ITPR2: variants seen among roughly 807,000 people sequenced by gnomAD.
ITPR2 encodes inositol 1,4,5-trisphosphate-gated calcium channel ITPR2.
ITPR2 carries 207 observed loss-of-function variants against 317.1 expected under a neutral mutation model. That is an observed-to-expected ratio of 0.65 (90% CI 0.58 to 0.73). The LOEUF (loss-of-function observed/expected upper bound fraction) is 0.73. ITPR2 is among the 30% of genes least tolerant of loss of function. ITPR2 has a pLI of 0.00. For missense variants in ITPR2, 2,613 were observed against 3,284.0 expected, an observed-to-expected ratio of 0.80 and a Z score of 4.99; for synonymous variants, 1,156 against 1,149.1, an observed-to-expected ratio of 1.01 and a Z score of -0.12.
intron 55 of ITPR2, among the ~76,000 whole-genome samples, chr12:26,385,508 C>T (rs945496572): frequency 6.6e-6 from 1 of 152,154 alleles, no homozygotes; most frequent in African/African-American, 2.4e-5. Context: ...TGCTGCCTGC[C>T]TTTTTGCCTA....
intron 4 of ITPR2, among the ~76,000 whole-genome samples, chr12:26,724,063 T>A (rs549822948): frequency 6.6e-6 from 1 of 152,356 alleles, no homozygotes; most frequent in South Asian, 2.1e-4. Context: ...ATTGCTTTAT[T>A]TATTTGTATT....
intron 48 of ITPR2, among the ~76,000 whole-genome samples, chr12:26,431,246 A>C (rs1343405431): frequency 6.6e-6 from 1 of 152,210 alleles, no homozygotes; most frequent in Non-Finnish European, 1.5e-5. Flanking sequence ...AATTTTTTAA[A>C]ATCACATACT....
intron 14 of ITPR2, 21 bp from the exon 15 acceptor site, chr12:26,663,867 C>T: frequency 6.4e-7 from 1 of 1,573,480 alleles, no homozygotes; most frequent in Non-Finnish European, 8.6e-7. Flanking sequence ...TAAAAACAGC[C>T]ACCTATTCTG....
chr12:26,612,587 T>C (rs1284003728), intron 26 of ITPR2, among the ~76,000 whole-genome samples: 1 of 152,194 alleles, frequency 6.6e-6, no homozygotes, highest in Non-Finnish European at 1.5e-5. Flanking sequence ...CCCCTTATAT[T>C]AATTCATTAT....
Position 26,621,173 on chromosome 12 carries a change from T to C in ITPR2, c.3412A>G (p.Asn1138Asp). 6.2e-7 allele frequency: 1 copy of C among 1,613,886 alleles called. No homozygotes were observed. The highest frequency in any genetic ancestry group is 8.5e-7 in the Non-Finnish European group (1 of 1,179,878). ...LWVEKSSNYE[N>D]GEIGESQVKG... ...ACTTGACTTTCCCCTATTTCTCCATTCTCATAGTTGCTGCTCTTCTCCACC... is the reference window on the plus strand; with the variant it reads ...ACTTGACTTTCCCCTATTTCTCCATCCTCATAGTTGCTGCTCTTCTCCACC... Residue 1138 changes from asparagine to aspartate, a missense_variant, in exon 26 of 57, where the codon AAT becomes GAT. Transcript: ENST00000381340.
intron 32 of ITPR2, among the ~76,000 whole-genome samples, chr12:26,583,734 A>G (rs1945456887): frequency 6.6e-6 from 1 of 152,172 alleles, no homozygotes; most frequent in African/African-American, 2.4e-5. Flanking sequence ...GTGTGTCACT[A>G]ATGAGTACCT....
chr12:26,458,267 G>A (rs1415383302), intron 45 of ITPR2, among the ~76,000 whole-genome samples: 5 of 152,176 alleles, frequency 3.3e-5, no homozygotes, highest in African/African-American at 4.8e-5. Context: ...AGGTGAGGGC[G>A]GTACGGGGGC....
intron 13 of ITPR2, among the ~76,000 whole-genome samples, chr12:26,674,513 A>G (rs1458428391): frequency 6.6e-6 from 1 of 152,254 alleles, no homozygotes; most frequent in Non-Finnish European, 1.5e-5. Flanking sequence ...CTGAAACTGG[A>G]TCCCTTCCTT....
intron 45 of ITPR2, among the ~76,000 whole-genome samples, chr12:26,444,587 A>G (rs1415335663): frequency 6.6e-6 from 1 of 152,142 alleles, no homozygotes; most frequent in Non-Finnish European, 1.5e-5. Context: ...CCATTGACAG[A>G]TGAGGAAACT....
intron 2 of ITPR2, among the ~76,000 whole-genome samples, chr12:26,769,729 T>C (rs1055829323): frequency 6.6e-6 from 1 of 152,128 alleles, no homozygotes; most frequent in African/African-American, 2.4e-5. Context: ...TACTAGAGAA[T>C]AGGTAAAAAG....
At chr12:26,594,852 CAT>C in intron 32 of ITPR2, among the ~76,000 whole-genome samples, 1 of 152,206 alleles carries the variant, frequency 6.6e-6, no homozygotes, top group Non-Finnish European at 1.5e-5. Flanking sequence ...AGAGCAAAAA[CAT>C]ATGTCAGGCA....
At chr12:26,598,720 C>T (rs1945915183) in intron 30 of ITPR2, among the ~76,000 whole-genome samples, 1 of 152,164 alleles carries the variant, frequency 6.6e-6, no homozygotes, top group African/African-American at 2.4e-5. Flanking sequence ...GTTTGATTCT[C>T]TTCAAAGCTT....
rs1193970621 is a variant in ITPR2 at position 26,774,031 on chromosome 12, T to C, written c.163+16126A>G. On this transcript the variant is annotated intron_variant, in intron 2 of 56. Transcript: ENST00000381340. Reference sequence around the variant, plus strand: ...TTTTTAGTATAAAGCATGTAACTCCTGACTTGGAAATCCACTGCAATTTTC... The same window carrying C: ...TTTTTAGTATAAAGCATGTAACTCCCGACTTGGAAATCCACTGCAATTTTC... Among the ~76,000 whole-genome samples the C allele has an allele frequency of 3.6e-5, 5 of 140,396 alleles. No individual in the cohort carries two copies. In the East Asian group the frequency reaches 9.1e-4, roughly 25 times the overall value. 92.1% of individuals were successfully genotyped at this position (140,396 alleles called of 152,430 possible). A position where few individuals can be genotyped will look rare whatever the true frequency, so the allele number is the denominator to read the frequency against.
rs186659621 is a variant in ITPR2, at chr12:26,795,338, T to C, written c.93-5111A>G. ...AACGTGTAGAATACATGGATGATGA[T>C]ATTTATGAATCGGAGAGTAGAAAAA... On this transcript the variant is annotated intron_variant, in intron 1 of 56. Coordinates refer to ENST00000381340, the MANE Select transcript of ITPR2 (RefSeq NM_002223.4). 2.7e-3 allele frequency among the ~76,000 whole-genome samples: 415 copies of C among 152,364 alleles called. 3 individuals carry two copies. Among genetic ancestry groups the C allele is most frequent in the African/African-American group, 5.4e-3 (223 of 41,582 alleles).
Position 26,602,681 on chromosome 12 carries a change from T to A in ITPR2, c.3488A>T (p.Gln1163Leu), listed in dbSNP as rs759818841. ...AATCTGAGGTTTCTTTGTTCCATCC[T>A]GCACTGGACTTAAAATGTTTGATTC... ...IEESNILSPV[Q>L]DGTKKPQIDS... Residue 1163 changes from glutamine (Q) to leucine (L), a missense_variant, in exon 27 of 57, where the codon CAG (glutamine) becomes CTG (leucine). Coordinates refer to ENST00000381340, the MANE Select transcript of ITPR2 (RefSeq NM_002223.4). 1 of 1,603,930 alleles carries A rather than the reference T, an allele frequency of 6.2e-7. No individual in the cohort carries two copies. The highest frequency in any genetic ancestry group is 2.2e-5 in the East Asian group (1 of 44,698).
At chr12:26,540,167 G>C (rs1406398420) in intron 37 of ITPR2, among the ~76,000 whole-genome samples, 2 of 152,138 alleles carry the variant, frequency 1.3e-5, no homozygotes, top group East Asian at 3.9e-4. Flanking sequence ...TTATGCATCA[G>C]CCCTATCCCC....
At chr12:26,413,448 C>A (rs969286282) in intron 51 of ITPR2, among the ~76,000 whole-genome samples, 1 of 152,198 alleles carries the variant, frequency 6.6e-6, no homozygotes, top group East Asian at 1.9e-4. Flanking sequence ...ACTCAATATA[C>A]ATAGTCAACT....
At chr12:26,543,089 T>C (rs1308410499) in intron 37 of ITPR2, among the ~76,000 whole-genome samples, 2 of 152,164 alleles carry the variant, frequency 1.3e-5, no homozygotes, top group Non-Finnish European at 2.9e-5. Flanking sequence ...TGAAAATGTA[T>C]ACTAAAGAGT....
intron 1 of ITPR2, among the ~76,000 whole-genome samples, chr12:26,812,216 T>G (rs1386028406): frequency 6.7e-6 from 1 of 148,510 alleles, no homozygotes; most frequent in East Asian, 2.0e-4. Context: ...GGCACTAAAA[T>G]GTGTCATATG....
Sources: gnomAD v4.1 joint callset for allele counts (sites outside exome capture counted in the v4.1 genomes callset) on GRCh38, gnomAD v4.1.1 for gene constraint, MANE v1.5 for transcripts, NCBI Gene and HGNC (gene_info 2026-07-23, HGNC 2026-07-21) for gene names.